PTPRE: variants seen among roughly 807,000 people sequenced by gnomAD.
The protein encoded by PTPRE is receptor-type tyrosine-protein phosphatase epsilon.
A neutral mutation model predicts 102.0 loss-of-function variants in PTPRE; 51 were observed. That is an observed-to-expected ratio of 0.50 (90% CI 0.40 to 0.63). The LOEUF is 0.63. Among genes scored for constraint, PTPRE ranks in the 30% least tolerant of loss-of-function variants. The pLI, the probability that PTPRE is intolerant of heterozygous loss-of-function variation, is 0.00. For missense variants in PTPRE, 752 were observed against 915.1 expected (o/e 0.82, Z 2.30); for synonymous variants, 345 against 348.2 (o/e 0.99, Z 0.10).
chr10:128,060,926 G>A lies in PTPRE; in HGVS notation c.512-13G>A, dbSNP rs749541343. The stretch of plus-strand genomic sequence containing the variant: ...GTCCTAATATCTTGGCTTTGTTTGG[G>A]TTTTTTTTCCAGATGACCATTCTAG... On this transcript the variant is annotated splice_polypyrimidine_tract_variant and intron_variant, in intron 7 of 20. Coordinates refer to ENST00000254667, the MANE Select transcript of PTPRE (RefSeq NM_006504.6). The A allele has an allele frequency of 2.5e-6, 4 of 1,612,116 alleles. No homozygotes were observed. The highest frequency in any genetic ancestry group is 2.5e-6 in the Non-Finnish European group (3 of 1,178,426).
intron 1 of PTPRE, among the ~76,000 whole-genome samples, chr10:127,949,796 G>A (rs1032285831): frequency 5.9e-5 from 9 of 152,156 alleles, no homozygotes; most frequent in South Asian, 2.1e-4. Flanking sequence ...CTGAATTACC[G>A]CGAAAGCTGA....
intron 2 of PTPRE, chr10:127,998,227 G>A (rs904559765): frequency 2.6e-5 from 4 of 152,166 alleles, no homozygotes; most frequent in Non-Finnish European, 4.4e-5. Context: ...TGAACGAGAC[G>A]GGGAGTTTTC....
intron 1 of PTPRE, among the ~76,000 whole-genome samples, chr10:127,961,489 A>AGAGAAGAG (rs1849808377): frequency 6.6e-6 from 1 of 152,164 alleles, no homozygotes; most frequent in Non-Finnish European, 1.5e-5. Context: ...ATGCAACAGG[A>AGAGAAGAG]CAGGGAAGGA....
chr10:128,067,325 C>T (rs549596782), intron 11 of PTPRE, among the ~76,000 whole-genome samples: 1 of 149,476 alleles, frequency 6.7e-6, no homozygotes, highest in South Asian at 2.1e-4. Flanking sequence ...CACACATGTG[C>T]ACACACATAC....
At chr10:128,035,063 A>G (rs1322267057) in intron 2 of PTPRE, among the ~76,000 whole-genome samples, 1 of 151,960 alleles carries the variant, frequency 6.6e-6, no homozygotes, top group Non-Finnish European at 1.5e-5. Flanking sequence ...GGCTATTGCA[A>G]CCTCCGCTTC....
At chr10:127,913,146 G>T (rs573526713) in intron 1 of PTPRE, among the ~76,000 whole-genome samples, 1 of 152,190 alleles carries the variant, frequency 6.6e-6, no homozygotes, top group Non-Finnish European at 1.5e-5. Context: ...CACGGGGATC[G>T]GTGGAGGTGG....
At chr10:127,989,331 A>G (rs1589923065) in intron 2 of PTPRE, among the ~76,000 whole-genome samples, 2 of 152,326 alleles carry the variant, frequency 1.3e-5, no homozygotes. Context: ...TTTTCCAGAT[A>G]ACTTACATGC....
rs1554951767 is a variant in PTPRE at position 128,082,195 on chromosome 10, C to CTCTCTTT, written c.2029-636_2029-635insCTCTTTT. Among the ~76,000 whole-genome samples the CTCTCTTT allele has an allele frequency of 4.4e-3, 390 of 89,042 alleles. 40 individuals carry two copies. Among genetic ancestry groups the CTCTCTTT allele is most frequent in the African/African-American group, 6.1e-3 (134 of 22,004 alleles). 58.4% of individuals were successfully genotyped at this position (89,042 alleles called of 152,430 possible). ...TTAGTACTCTGATTTTTTTCTCTTT[C>CTCTCTTT]TTTTTTTTTTTTTTTTTTTTTTTTT... On this transcript the variant is annotated intron_variant, in intron 20 of 20. Transcript: ENST00000254667.
intron 7 of PTPRE, 104 bp downstream of exon 7, chr10:128,056,317 C>A (rs1342069685): frequency 3.2e-6 from 3 of 935,318 alleles, no homozygotes; most frequent in African/African-American, 3.2e-5. Flanking sequence ...TGCTCAGAGG[C>A]CCCAAATCAG....
At chr10:128,011,540 C>A (rs1845012197) in intron 2 of PTPRE, among the ~76,000 whole-genome samples, 1 of 152,232 alleles carries the variant, frequency 6.6e-6, no homozygotes, top group Non-Finnish European at 1.5e-5. Flanking sequence ...GGCATAGCAC[C>A]CGGGCTTCAA....
At chr10:128,065,958 T>C in intron 10 of PTPRE, 117 bp from the exon 11 acceptor site, 6 of 1,451,034 alleles carry the variant, frequency 4.1e-6, no homozygotes, top group Non-Finnish European at 5.8e-6. Flanking sequence ...GTTTCTCAGC[T>C]GTGGGAGCTG....
chr10:128,006,030 T>C (rs756821419), intron 2 of PTPRE, among the ~76,000 whole-genome samples: 3 of 151,892 alleles, frequency 2.0e-5, no homozygotes, highest in African/African-American at 4.8e-5. Flanking sequence ...TGGATTAGGG[T>C]CCACCCTAAT....
intron 10 of PTPRE, among the ~76,000 whole-genome samples, chr10:128,065,412 G>T (rs73388004): frequency 1.3e-5 from 2 of 152,170 alleles, no homozygotes. Context: ...CAGGTGCTGC[G>T]GGCGGTGCTG....
At position 127,964,688 on chromosome 10, in the gene PTPRE, T is replaced by A. The variant is rs184337606; in HGVS notation, c.-30-17586T>A. On this transcript the variant is annotated intron_variant, in intron 1 of 20. Coordinates refer to ENST00000254667, the MANE Select transcript of PTPRE (RefSeq NM_006504.6). Reference sequence around the variant, plus strand: ...ACATTCAAAGGGCACTCGCATTACCTGGCAATTACTCTTTCTCGATGAGAC... The same window carrying A: ...ACATTCAAAGGGCACTCGCATTACCAGGCAATTACTCTTTCTCGATGAGAC... 2.2e-3 allele frequency: 396 copies of A among 182,722 alleles called. 3 individuals are homozygous for A. Among genetic ancestry groups the A allele is most frequent in the African/African-American group, 8.0e-3 (339 of 42,530 alleles). The allele number at this position is 182,722 out of a possible 1,614,324, so 11.3% of individuals were successfully genotyped here.
At chr10:128,021,310 G>T (rs1427498214) in intron 2 of PTPRE, among the ~76,000 whole-genome samples, 1 of 152,198 alleles carries the variant, frequency 6.6e-6, no homozygotes, top group African/African-American at 2.4e-5. Context: ...GTGCCACACA[G>T]GCCTCTGAAG....
intron 1 of PTPRE, among the ~76,000 whole-genome samples, chr10:127,956,590 A>G (rs753431440): frequency 6.6e-5 from 10 of 152,350 alleles, no homozygotes; most frequent in South Asian, 2.1e-4. Context: ...GGCAAATGCC[A>G]AGGAGTGCAA....
intron 12 of PTPRE, chr10:128,069,381 A>G: frequency 3.6e-6 from 1 of 280,602 alleles, no homozygotes; most frequent in Non-Finnish European, 6.7e-6. Flanking sequence ...TAGGATGCCA[A>G]TCACACATAT....
chr10:127,985,044 C>T (rs915495548), intron 2 of PTPRE, among the ~76,000 whole-genome samples: 15 of 152,316 alleles, frequency 9.8e-5, no homozygotes, highest in Middle Eastern at 3.4e-3. Flanking sequence ...GATTCAGAGA[C>T]GTGCTTTTGA....
chr10:128,058,790 G>A (rs1849237990), intron 7 of PTPRE, among the ~76,000 whole-genome samples: 1 of 152,044 alleles, frequency 6.6e-6, no homozygotes, highest in East Asian at 1.9e-4. Flanking sequence ...GTCACCTGGG[G>A]GAGAGGAGAG....
Sources: gnomAD v4.1 joint callset for allele counts (sites outside exome capture counted in the v4.1 genomes callset) on GRCh38, gnomAD v4.1.1 for gene constraint, MANE v1.5 for transcripts, NCBI Gene and HGNC (gene_info 2026-07-23, HGNC 2026-07-21) for gene names.